The following ATP8A1 variants were observed in gnomAD, a reference collection of about 807,000 sequenced individuals.
ATP8A1 encodes the protein ATPase phospholipid transporting 8A1.
Under a neutral mutation model 177.7 loss-of-function variants are expected in ATP8A1, and 90 were observed. The observed-to-expected ratio is 0.51, with a 90% CI of 0.43 to 0.60. The LOEUF is 0.60. ATP8A1 is among the 20% of genes least tolerant of loss of function. The pLI, the probability that ATP8A1 is intolerant of heterozygous loss-of-function variation, is 0.00. For synonymous variants in ATP8A1, 493 were observed against 485.9 expected (o/e 1.01, Z -0.19); for missense variants, 1,072 against 1,392.8 (o/e 0.77, Z 3.67).
chr4:42,639,591 C>T (rs1472208507), intron 1 of ATP8A1, among the ~76,000 whole-genome samples: 3 of 152,142 alleles, frequency 2.0e-5, no homozygotes, highest in Non-Finnish European at 4.4e-5. Flanking sequence ...GAAAAATCAG[C>T]ACCTAACTGC....
chr4:42,609,115 G>T (rs1415730266), intron 5 of ATP8A1, among the ~76,000 whole-genome samples: 1 of 152,096 alleles, frequency 6.6e-6, no homozygotes, highest in African/African-American at 2.4e-5. Flanking sequence ...ATATATTGAT[G>T]TCAAATTGGT....
intron 4 of ATP8A1, 26 bp downstream of exon 4, chr4:42,624,510 C>T: frequency 8.0e-7 from 1 of 1,247,460 alleles, no homozygotes; most frequent in Non-Finnish European, 1.1e-6. Context: ...AAGTCACATA[C>T]AATTATGAAA....
intron 6 of ATP8A1, among the ~76,000 whole-genome samples, chr4:42,597,420 C>T: frequency 6.6e-6 from 1 of 152,296 alleles, no homozygotes; most frequent in East Asian, 1.9e-4. Context: ...GTACATAGTA[C>T]TATTTTTTTT....
intron 25 of ATP8A1, among the ~76,000 whole-genome samples, chr4:42,467,475 C>T (rs767695272): frequency 3.9e-5 from 6 of 152,100 alleles, no homozygotes; most frequent in African/African-American, 9.6e-5. Flanking sequence ...GAGCGGATCA[C>T]GAGGTCAGGA....
intron 33 of ATP8A1, among the ~76,000 whole-genome samples, chr4:42,442,389 A>G (rs1225363584): frequency 6.6e-6 from 1 of 152,138 alleles, no homozygotes; most frequent in South Asian, 2.1e-4. Context: ...TTTTTCCTTC[A>G]GTTGTATTCC....
At chr4:42,535,760 G>C (rs1727759090) in intron 20 of ATP8A1, among the ~76,000 whole-genome samples, 1 of 152,146 alleles carries the variant, frequency 6.6e-6, no homozygotes, top group Non-Finnish European at 1.5e-5. Flanking sequence ...ATTATAGCAA[G>C]TACTATCTTA....
intron 3 of ATP8A1, chr4:42,625,008 C>T (rs1173658866): frequency 4.5e-5 from 7 of 155,080 alleles, no homozygotes; most frequent in Admixed American, 6.6e-5. Context: ...TCTATGATCC[C>T]CTTTTTGTAA....
chr4:42,626,872 T>C (rs16854620), intron 2 of ATP8A1, 123 bp downstream of exon 2: 7 of 717,894 alleles, frequency 9.8e-6, no homozygotes, highest in Admixed American at 6.6e-5. Context: ...CTATTCACAC[T>C]GCCAACAGGG....
chr4:42,557,623 G>T (rs1730377738), intron 15 of ATP8A1, among the ~76,000 whole-genome samples: 1 of 152,086 alleles, frequency 6.6e-6, no homozygotes, highest in Admixed American at 6.5e-5. Flanking sequence ...GAGTAGCTCT[G>T]GATATGCAAT....
chr4:42,574,580 A>C (rs1481039352), intron 14 of ATP8A1, 39 bp downstream of exon 14: 1 of 1,484,084 alleles, frequency 6.7e-7, no homozygotes, highest in South Asian at 1.2e-5. Flanking sequence ...GCACTAATTA[A>C]GCATGTATTT....
At chr4:42,494,875 T>G (rs1201587019) in intron 24 of ATP8A1, among the ~76,000 whole-genome samples, 1 of 152,234 alleles carries the variant, frequency 6.6e-6, no homozygotes, top group Non-Finnish European at 1.5e-5. Flanking sequence ...TGCTGACATG[T>G]TCTTCAGACA....
chr4:42,491,059 C>T (rs1246308871), intron 24 of ATP8A1, among the ~76,000 whole-genome samples: 3 of 151,924 alleles, frequency 2.0e-5, no homozygotes, highest in Non-Finnish European at 4.4e-5. Context: ...CTCCTGTATA[C>T]TCTTAAATAC....
chr4:42,631,470 C>G (rs1738725716), intron 1 of ATP8A1, among the ~76,000 whole-genome samples: 1 of 152,154 alleles, frequency 6.6e-6, no homozygotes, highest in African/African-American at 2.4e-5. Context: ...GTAACCCACC[C>G]ACCAGTGGTT....
intron 32 of ATP8A1, 41 bp from the exon 33 acceptor site, chr4:42,443,713 G>T: frequency 2.3e-6 from 2 of 857,186 alleles, no homozygotes; most frequent in South Asian, 1.4e-5. Flanking sequence ...GTTTTATGTA[G>T]ACCGAGTACA....
chr4:42,630,644 A>G (rs778139976), intron 1 of ATP8A1, among the ~76,000 whole-genome samples: 5 of 152,224 alleles, frequency 3.3e-5, no homozygotes, highest in South Asian at 4.1e-4. Flanking sequence ...GAGGACATAC[A>G]ATACTCACCT....
rs1237318118 is a variant in ATP8A1 at position 42,410,383 on chromosome 4, G to A, written c.*2533C>T. 6.6e-6 allele frequency: 1 copy of A among 152,142 alleles called. No individual in the cohort carries two copies. Among genetic ancestry groups the A allele is most frequent in the Non-Finnish European group, 1.5e-5 (1 of 67,998 alleles). The allele number at this position is 152,142 out of a possible 1,614,324, so 9.4% of individuals were successfully genotyped here. On this transcript the variant is annotated 3_prime_UTR_variant, in exon 37 of 37. Coordinates refer to ENST00000381668, the MANE Select transcript of ATP8A1 (RefSeq NM_006095.2). ...CCCTATAAGGAACTTTTTAATTGAA[G>A]AGTACGTGCCCTTTATTTCAAAAAA...
chr4:42,539,398 C>CG (rs1029772550), intron 20 of ATP8A1, among the ~76,000 whole-genome samples: 1 of 143,244 alleles, frequency 7.0e-6, no homozygotes, highest in East Asian at 2.1e-4. Flanking sequence ...ATAAAATACC[C>CG]CCCCCCCAAC....
chr4:42,540,115 G>A (rs1170810900), intron 20 of ATP8A1, among the ~76,000 whole-genome samples: 1 of 152,012 alleles, frequency 6.6e-6, no homozygotes, highest in Non-Finnish European at 1.5e-5. Flanking sequence ...CTTAAAAGGT[G>A]GACAAAGGAC....
chr4:42,621,077 A>C (rs2109470401), intron 4 of ATP8A1, among the ~76,000 whole-genome samples: 1 of 152,352 alleles, frequency 6.6e-6, no homozygotes, highest in South Asian at 2.1e-4. Flanking sequence ...TGTAGTAAAG[A>C]CCAATCCCTG....
Sources: gnomAD v4.1 joint callset for allele counts (sites outside exome capture counted in the v4.1 genomes callset) on GRCh38, gnomAD v4.1.1 for gene constraint, MANE v1.5 for transcripts, NCBI Gene and HGNC (gene_info 2026-07-23, HGNC 2026-07-21) for gene names.